Variants in GMDS observed in about 807,000 individuals in gnomAD.
GMDS encodes the protein GDP-mannose 4,6-dehydratase, also known as GDP-mannose 4,6 dehydratase.
In GMDS, 20 loss-of-function variants were observed where a neutral mutation model predicts 49.9. The ratio of observed to expected loss-of-function variants is 0.40; its 90% confidence interval spans 0.28 to 0.58. The LOEUF (loss-of-function observed/expected upper bound fraction) is 0.58, where lower values mean the gene tolerates loss of function less well. Among genes scored for constraint, GMDS ranks in the 20% least tolerant of loss-of-function variants. The pLI, the probability that GMDS is intolerant of heterozygous loss-of-function variation, is 0.42. For synonymous variants in GMDS, 177 were observed against 178.6 expected (o/e 0.99, Z 0.07); for missense variants, 362 against 481.4 (o/e 0.75, Z 2.32).
intron 4 of GMDS, among the ~76,000 whole-genome samples, chr6:1,991,275 T>C (rs1446657905): frequency 6.6e-6 from 1 of 152,128 alleles, no homozygotes; most frequent in African/African-American, 2.4e-5. Flanking sequence ...CCCAGGCTCT[T>C]CCACAGCTCC....
chr6:1,939,617 A>T (rs1460885339), intron 6 of GMDS, among the ~76,000 whole-genome samples: 2 of 151,356 alleles, frequency 1.3e-5, no homozygotes, highest in East Asian at 3.9e-4. Context: ...ATACACACAC[A>T]CAGAGTCCAT....
chr6:1,758,346 C>A lies in GMDS; in HGVS notation c.772-15760G>T, dbSNP rs117440062. Among the ~76,000 whole-genome samples, 299 of 152,322 alleles carry A rather than the reference C, an allele frequency of 2.0e-3. 5 individuals carry two copies. In the East Asian group the frequency reaches 0.05, roughly 26 times the overall value. On this transcript the variant is annotated intron_variant, in intron 7 of 10. Coordinates refer to ENST00000380815, the MANE Select transcript of GMDS (RefSeq NM_001500.4). ...AGTGAGTGTTTGAAAAGTAGCACAA[C>A]TAGCTCCTAATTTACAGGCACTTGA...
At chr6:2,042,707 T>C (rs531579950) in intron 4 of GMDS, among the ~76,000 whole-genome samples, 1 of 152,278 alleles carries the variant, frequency 6.6e-6, no homozygotes, top group East Asian at 1.9e-4. Flanking sequence ...GAACCTATCT[T>C]GAGAAGTGCT....
At chr6:2,186,055 G>C (rs1011837647) in intron 1 of GMDS, among the ~76,000 whole-genome samples, 3 of 152,066 alleles carry the variant, frequency 2.0e-5, no homozygotes, top group Admixed American at 2.0e-4. Context: ...CCCAAACTTG[G>C]CTAGGCTTCA....
At chr6:2,184,747 C>T (rs146810028) in intron 1 of GMDS, among the ~76,000 whole-genome samples, 448 of 152,124 alleles carry the variant, frequency 2.9e-3, no homozygotes, top group Non-Finnish European at 5.3e-3. Flanking sequence ...AATACAAGCC[C>T]AAAATTCTCA....
At chr6:2,142,413 T>G (rs1342534659) in intron 1 of GMDS, among the ~76,000 whole-genome samples, 1 of 151,962 alleles carries the variant, frequency 6.6e-6, no homozygotes, top group Non-Finnish European at 1.5e-5. Context: ...AGTGGTGTCC[T>G]TATTTAAAAA....
chr6:1,797,185 G>A lies in GMDS; in HGVS notation c.772-54599C>T, dbSNP rs1360813048. ...GCGTGAACCCTACTGTGAACTGCAC[G>A]TGCGAGGGATCCAGGTGGCACACTC... On this transcript the variant is annotated intron_variant, in intron 7 of 10. Transcript: ENST00000380815. 2.6e-5 allele frequency among the ~76,000 whole-genome samples: 4 copies of A among 152,188 alleles called. 1 individual carries two copies. The highest frequency in any genetic ancestry group is 1.9e-4 in the East Asian group (1 of 5,196).
chr6:2,002,623 G>T (rs1403765789), intron 4 of GMDS, among the ~76,000 whole-genome samples: 1 of 152,086 alleles, frequency 6.6e-6, no homozygotes, highest in African/African-American at 2.4e-5. Flanking sequence ...ATTGAAGAAG[G>T]TTCTAGGCCA....
chr6:1,740,552 G>A (rs1216863014), intron 8 of GMDS, among the ~76,000 whole-genome samples: 7 of 142,352 alleles, frequency 4.9e-5, no homozygotes, highest in African/African-American at 1.3e-4. Flanking sequence ...GTGAGACTCC[G>A]TCTCAAAAAA....
chr6:2,210,977 A>T (rs1408685657), intron 1 of GMDS, among the ~76,000 whole-genome samples: 1 of 152,004 alleles, frequency 6.6e-6, no homozygotes, highest in African/African-American at 2.4e-5. Context: ...TTCTCCCTTC[A>T]CTGTTTCTTC....
intron 4 of GMDS, among the ~76,000 whole-genome samples, chr6:2,061,997 G>T (rs1027227811): frequency 6.6e-6 from 1 of 152,114 alleles, no homozygotes; most frequent in South Asian, 2.1e-4. Context: ...AGTTGGCCTG[G>T]ATTATATCCT....
chr6:2,159,628 C>T (rs761714916), intron 1 of GMDS, among the ~76,000 whole-genome samples: 1 of 149,654 alleles, frequency 6.7e-6, no homozygotes, highest in Non-Finnish European at 1.5e-5. Flanking sequence ...AAGCAATGCT[C>T]CTGCCTCAGC....
At chr6:1,764,638 C>T (rs745323272) in intron 7 of GMDS, among the ~76,000 whole-genome samples, 2 of 152,098 alleles carry the variant, frequency 1.3e-5, no homozygotes, top group Non-Finnish European at 2.9e-5. Context: ...AGATCATCAC[C>T]GCTCCGTAAC....
At chr6:2,077,036 T>C (rs982755970) in intron 4 of GMDS, among the ~76,000 whole-genome samples, 1 of 152,182 alleles carries the variant, frequency 6.6e-6, no homozygotes, top group Non-Finnish European at 1.5e-5. Flanking sequence ...TTTATTCCTA[T>C]GTTTTTTTAA....
At chr6:1,793,453 T>G (rs1252405122) in intron 7 of GMDS, among the ~76,000 whole-genome samples, 2 of 152,190 alleles carry the variant, frequency 1.3e-5, no homozygotes, top group South Asian at 2.1e-4. Context: ...ATGACCTCTT[T>G]CAAGAAGTTC....
intron 6 of GMDS, among the ~76,000 whole-genome samples, chr6:1,934,882 C>G (rs1048541778): frequency 1.3e-5 from 2 of 152,122 alleles, no homozygotes; most frequent in Admixed American, 1.3e-4. Context: ...GAGAAACGCA[C>G]AGAGGCTGCA....
chr6:1,874,031 G>A (rs1758906075), intron 7 of GMDS, among the ~76,000 whole-genome samples: 1 of 152,196 alleles, frequency 6.6e-6, no homozygotes, highest in Non-Finnish European at 1.5e-5. Context: ...ACCAGTGGGA[G>A]GAAGGGTGAC....
At chr6:2,037,710 G>A (rs1440129770) in intron 4 of GMDS, among the ~76,000 whole-genome samples, 3 of 152,076 alleles carry the variant, frequency 2.0e-5, no homozygotes, top group Non-Finnish European at 4.4e-5. Flanking sequence ...AGAAAGAAGT[G>A]GTTGCTTGGG....
intron 9 of GMDS, among the ~76,000 whole-genome samples, chr6:1,710,614 T>C (rs1765918581): frequency 7.0e-6 from 1 of 142,088 alleles, no homozygotes; most frequent in Non-Finnish European, 1.5e-5. Context: ...ATGGTCCCCC[T>C]AGACCTGGAG....
Sources: allele counts gnomAD v4.1 joint callset (sites outside exome capture counted in the v4.1 genomes callset), GRCh38; gene constraint gnomAD v4.1.1; transcripts MANE v1.5; gene names NCBI Gene and HGNC (gene_info 2026-07-23, HGNC 2026-07-21).